The following CSMD1 variants were observed in gnomAD, a reference collection of about 807,000 sequenced individuals.
The protein encoded by CSMD1 is CUB and Sushi multiple domains 1.
CSMD1 carries 213 observed loss-of-function variants against 417.5 expected under a neutral mutation model. The ratio of observed to expected loss-of-function variants is 0.51; its 90% CI spans 0.46 to 0.57. The LOEUF is 0.57. Among genes scored for constraint, CSMD1 ranks in the 20% least tolerant of loss-of-function variants. CSMD1 has a pLI of 0.00. For synonymous variants in CSMD1, 2,862 were observed against 1,736.8 expected, an observed-to-expected ratio of 1.65 and a Z score of -16.11; for missense variants, 6,923 against 4,529.7, an observed-to-expected ratio of 1.53 and a Z score of -15.17.
intron 1 of CSMD1, among the ~76,000 whole-genome samples, chr8:4,739,984 C>G (rs1360506475): frequency 1.3e-5 from 2 of 152,138 alleles, no homozygotes; most frequent in South Asian, 4.1e-4. Flanking sequence ...TGGCCAGCCG[C>G]CTGCCCAGGC....
At position 4,565,982 on chromosome 8, in the gene CSMD1, G is replaced by C. The variant is rs542048201; in HGVS notation, c.302+71360C>G. 3.7e-3 allele frequency among the ~76,000 whole-genome samples: 565 copies of C among 150,904 alleles called. 4 individuals carry two copies. The highest frequency in any genetic ancestry group is 4.3e-3 in the Non-Finnish European group (291 of 67,760). On this transcript the variant is annotated intron_variant, in intron 2 of 69. Transcript: ENST00000635120. ...TTATTCTCAGTATAATCTATATTTG[G>C]GTCTATTGAACTATTGTTTATTAAT... is the stretch of plus-strand genomic sequence containing the variant.
At chr8:4,259,379 G>C (rs186369746) in intron 3 of CSMD1, among the ~76,000 whole-genome samples, 25 of 152,192 alleles carry the variant, frequency 1.6e-4, no homozygotes, top group Middle Eastern at 3.4e-3. Flanking sequence ...GAAAGGAGAG[G>C]ACAGGAGGAG....
intron 5 of CSMD1, among the ~76,000 whole-genome samples, chr8:3,833,642 G>T (rs182894647): frequency 3.3e-5 from 5 of 151,980 alleles, no homozygotes; most frequent in African/African-American, 1.2e-4. Flanking sequence ...TCTCTCACAG[G>T]ATGGTGTTTG....
At chr8:4,777,403 G>A (rs56959429) in intron 1 of CSMD1, among the ~76,000 whole-genome samples, 25,891 of 152,052 alleles carry the variant, frequency 0.17, 2,314 homozygotes, top group East Asian at 0.28. Context: ...GATGTCTCAG[G>A]GGGACATCTC....
At chr8:3,961,972 G>T (rs1256660171) in intron 5 of CSMD1, among the ~76,000 whole-genome samples, 1 of 152,178 alleles carries the variant, frequency 6.6e-6, no homozygotes, top group African/African-American at 2.4e-5. Flanking sequence ...GAAAAGCAAT[G>T]CAGCAAAACA....
At chr8:4,196,457 C>T (rs371446976) in intron 3 of CSMD1, among the ~76,000 whole-genome samples, 1 of 152,138 alleles carries the variant, frequency 6.6e-6, no homozygotes, top group Non-Finnish European at 1.5e-5. Flanking sequence ...TAGGGAAAAT[C>T]TGTCCAATGC....
intron 50 of CSMD1, among the ~76,000 whole-genome samples, chr8:3,036,356 G>A (rs566623777): frequency 1.2e-4 from 19 of 152,254 alleles, no homozygotes; most frequent in African/African-American, 4.3e-4. Context: ...TCAGCCCCTA[G>A]ATTCTGGATG....
chr8:3,045,847 T>C (rs901972958), intron 50 of CSMD1, among the ~76,000 whole-genome samples: 1 of 152,194 alleles, frequency 6.6e-6, no homozygotes, highest in Non-Finnish European at 1.5e-5. Context: ...AATATGGTGA[T>C]AATGAAATTA....
intron 3 of CSMD1, among the ~76,000 whole-genome samples, chr8:4,277,973 C>G (rs1796579056): frequency 6.6e-6 from 1 of 152,100 alleles, no homozygotes; most frequent in South Asian, 2.1e-4. Flanking sequence ...TGGTCTTGAA[C>G]TCCTAACCTC....
At chr8:3,631,288 C>G (rs772842500) in intron 7 of CSMD1, among the ~76,000 whole-genome samples, 7 of 152,174 alleles carry the variant, frequency 4.6e-5, no homozygotes, top group Non-Finnish European at 1.0e-4. Context: ...CATGTAGGCC[C>G]ATGGTAGCAG....
chr8:3,330,540 A>C (rs1264916260), intron 23 of CSMD1, among the ~76,000 whole-genome samples: 1 of 152,204 alleles, frequency 6.6e-6, no homozygotes, highest in Non-Finnish European at 1.5e-5. Context: ...GCAGGAGCTA[A>C]ATGGTGTGAA....
At chr8:3,720,976 C>A (rs915106821) in intron 6 of CSMD1, among the ~76,000 whole-genome samples, 2 of 150,462 alleles carry the variant, frequency 1.3e-5, no homozygotes, top group African/African-American at 5.0e-5. Flanking sequence ...CCACTACACC[C>A]GGCTAATTTA....
intron 55 of CSMD1, among the ~76,000 whole-genome samples, chr8:2,978,218 C>T (rs746395560): frequency 1.4e-4 from 22 of 152,210 alleles, no homozygotes; most frequent in Admixed American, 7.2e-4. Flanking sequence ...CACCAGAGCA[C>T]TTCGCCCACC....
intron 3 of CSMD1, among the ~76,000 whole-genome samples, chr8:4,243,490 A>T (rs751604258): frequency 8.5e-5 from 13 of 152,152 alleles, no homozygotes; most frequent in Non-Finnish European, 1.6e-4. Context: ...CTCAAAACAG[A>T]AACTTTCTAA....
At position 4,374,963 on chromosome 8, in the gene CSMD1, G is replaced by GT. The variant is rs1554450680; in HGVS notation, c.415+44989_415+44990insA. On this transcript the variant is annotated intron_variant, in intron 3 of 69. Transcript: ENST00000635120. ...TGATTAAACAGACAAAGGTGGGGTG[G>GT]GGGGGGGGGGCGATAGTGGGGGTAC... 9.2e-4 allele frequency among the ~76,000 whole-genome samples: 94 copies of GT among 102,436 alleles called. 3 individuals carry two copies. The highest frequency in any genetic ancestry group is 1.6e-3 in the South Asian group (4 of 2,458). The allele number at this position is 102,436 out of a possible 152,430, so 67.2% of individuals were successfully genotyped here. A position where few individuals can be genotyped will look rare whatever the true frequency, so the allele number is the denominator to read the frequency against.
intron 2 of CSMD1, among the ~76,000 whole-genome samples, chr8:4,535,763 G>A (rs1193402971): frequency 6.6e-6 from 1 of 152,138 alleles, no homozygotes; most frequent in East Asian, 1.9e-4. Flanking sequence ...TAATAGGTTA[G>A]TTCATGCTTC....
At chr8:3,489,646 T>C (rs2117282999) in intron 11 of CSMD1, among the ~76,000 whole-genome samples, 1 of 152,274 alleles carries the variant, frequency 6.6e-6, no homozygotes, top group Middle Eastern at 3.4e-3. Flanking sequence ...TCAGGGAAGG[T>C]GGATTACAGA....
chr8:4,118,873 A>G (rs922728547), intron 3 of CSMD1, among the ~76,000 whole-genome samples: 1 of 152,238 alleles, frequency 6.6e-6, no homozygotes, highest in Non-Finnish European at 1.5e-5. Flanking sequence ...CTGGATAAAG[A>G]AATGTGGCAC....
intron 26 of CSMD1, among the ~76,000 whole-genome samples, chr8:3,269,666 G>A (rs1015510454): frequency 6.6e-5 from 10 of 152,160 alleles, no homozygotes; most frequent in African/African-American, 1.9e-4. Flanking sequence ...CACACTGAGC[G>A]TTTATTTAAC....
Sources: allele counts gnomAD v4.1 joint callset (sites outside exome capture counted in the v4.1 genomes callset), GRCh38; gene constraint gnomAD v4.1.1; transcripts MANE v1.5; gene names NCBI Gene and HGNC (gene_info 2026-07-23, HGNC 2026-07-21).